The following DPP6 variants were observed in gnomAD, a reference collection of about 807,000 sequenced individuals.
DPP6 encodes A-type potassium channel modulatory protein DPP6.
DPP6 carries 69 observed loss-of-function variants against 122.6 expected under a neutral mutation model. That is an observed-to-expected ratio of 0.56 (90% CI 0.46 to 0.69). The LOEUF is 0.69. DPP6 is among the 30% of genes least tolerant of loss of function. The pLI, the probability that DPP6 is intolerant of heterozygous loss-of-function variation, is 0.00. For missense variants in DPP6, 928 were observed against 1,116.9 expected, an observed-to-expected ratio of 0.83 and a Z score of 2.41; for synonymous variants, 418 against 433.1, an observed-to-expected ratio of 0.97 and a Z score of 0.43.
chr7:153,784,628 T>C, the DPP6 span, among the ~76,000 whole-genome samples: 2 of 152,174 alleles, frequency 1.3e-5, no homozygotes, highest in African/African-American at 4.8e-5. Context: ...TAAATTGCAG[T>C]GAAGCTCATA....
At chr7:154,019,141 C>T (rs574968125) in intron 1 of DPP6, among the ~76,000 whole-genome samples, 2 of 152,224 alleles carry the variant, frequency 1.3e-5, no homozygotes, top group Admixed American at 6.5e-5. Context: ...TTTAACAAGC[C>T]TAGTCTATTC....
At chr7:154,637,783 T>C in intron 5 of DPP6, 38 bp from the exon 6 acceptor site, 1 of 1,545,644 alleles carries the variant, frequency 6.5e-7, no homozygotes, top group Non-Finnish European at 8.7e-7. Context: ...ACAGCCTTTG[T>C]CTCAATGCCT....
At chr7:154,724,134 G>C (rs1374252901) in intron 7 of DPP6, among the ~76,000 whole-genome samples, 4 of 152,132 alleles carry the variant, frequency 2.6e-5, no homozygotes, top group African/African-American at 9.7e-5. Context: ...CTGACTTTGG[G>C]TTGGTCTGGT....
rs71530431 is a variant in DPP6, at chr7:153,985,087, G to A, written c.51+97353G>A. On this transcript the variant is annotated intron_variant, in intron 1 of 25. Coordinates refer to the DPP6 transcript ENST00000404039. ...TTAAGATCCAGGCAGGTCCCTGCTC[G>A]CAGTGCTGACTGAGTACTGTACCTA... is the stretch of plus-strand genomic sequence containing the variant. Among the ~76,000 whole-genome samples the A allele has an allele frequency of 4.1e-3, 617 of 152,342 alleles. 3 individuals are homozygous for A. The highest frequency in any genetic ancestry group is 0.014 in the African/African-American group (562 of 41,576).
At position 153,949,127 on chromosome 7, in the gene DPP6, G is replaced by A. The variant is rs538248900; in HGVS notation, c.51+61393G>A. 3.9e-5 allele frequency among the ~76,000 whole-genome samples: 6 copies of A among 152,324 alleles called. No homozygotes were observed. The East Asian group carries it at 7.7e-4, about 20-fold the overall frequency. On this transcript the variant is annotated intron_variant, in intron 1 of 25. Transcript: ENST00000404039. ...CAGGCAGCTGGGGTGGTCTCTGCCCGGAGCATCGGCATGAGCCGCACTGCA... is the reference window on the plus strand; with the variant it reads ...CAGGCAGCTGGGGTGGTCTCTGCCCAGAGCATCGGCATGAGCCGCACTGCA...
intron 16 of DPP6, among the ~76,000 whole-genome samples, chr7:154,807,986 G>T (rs1287390382): frequency 6.6e-6 from 1 of 152,180 alleles, no homozygotes; most frequent in African/African-American, 2.4e-5. Flanking sequence ...GGGATACAAA[G>T]GATATTTTTG....
chr7:154,435,758 G>T (rs906610960), intron 1 of DPP6, among the ~76,000 whole-genome samples: 1 of 152,184 alleles, frequency 6.6e-6, no homozygotes, highest in African/African-American at 2.4e-5. Context: ...TTTGTAATTT[G>T]TTGCTACCTT....
chr7:154,282,182 T>TC lies in DPP6; in HGVS notation c.244-164029dup, dbSNP rs996220788. Among the ~76,000 whole-genome samples the TC allele has an allele frequency of 2.0e-5, 3 of 151,930 alleles. No homozygotes were observed. Among genetic ancestry groups the TC allele is most frequent in the African/African-American group, 7.3e-5 (3 of 41,376 alleles). On this transcript the variant is annotated intron_variant, in intron 1 of 25. Coordinates refer to ENST00000377770, the MANE Select transcript of DPP6 (RefSeq NM_130797.4). The surrounding 1 kb of genome is among the most constrained non-coding windows in gnomAD (Gnocchi z 4.8). ...TCTATAATTTTATTCTTTTTTCCCCTCCCTATTCCATTCTCTCTGTGGCCC... is the reference window on the plus strand; with the variant it reads ...TCTATAATTTTATTCTTTTTTCCCCTCCCCTATTCCATTCTCTCTGTGGCCC...
intron 1 of DPP6, among the ~76,000 whole-genome samples, chr7:153,984,429 G>A (rs1796744148): frequency 6.6e-6 from 1 of 152,160 alleles, no homozygotes; most frequent in Admixed American, 6.5e-5. Flanking sequence ...GGCATCAGGG[G>A]GCACGAAGAA....
rs187329824 is a variant in DPP6, at chr7:154,091,371, G to A, written c.243+38308G>A. ...TATTTTGAGCGGTCTATGGCTTTCTGTTGAGCAGACTTATAGCTTCTCATA... is the reference window on the plus strand; with the variant it reads ...TATTTTGAGCGGTCTATGGCTTTCTATTGAGCAGACTTATAGCTTCTCATA... On this transcript the variant is annotated intron_variant, in intron 1 of 25. Transcript: ENST00000377770. Among the ~76,000 whole-genome samples, 155 of 152,282 alleles carry A rather than the reference G, an allele frequency of 1.0e-3. 1 individual carries two copies. The highest frequency in any genetic ancestry group is 3.6e-3 in the African/African-American group (149 of 41,572).
intron 1 of DPP6, among the ~76,000 whole-genome samples, chr7:154,317,544 A>G (rs1244422382): frequency 6.6e-6 from 1 of 152,196 alleles, no homozygotes; most frequent in Non-Finnish European, 1.5e-5. Context: ...ACCTAGTTCT[A>G]TAGTGATACT....
intron 1 of DPP6, among the ~76,000 whole-genome samples, chr7:154,280,184 T>C (rs1203805412): frequency 6.7e-6 from 1 of 149,190 alleles, no homozygotes; most frequent in Non-Finnish European, 1.5e-5. Context: ...TTAATGTTTT[T>C]ACTGTTTTTT....
At chr7:154,732,087 G>A (rs1029704665) in intron 8 of DPP6, among the ~76,000 whole-genome samples, 1 of 151,634 alleles carries the variant, frequency 6.6e-6, no homozygotes, top group Non-Finnish European at 1.5e-5. Context: ...CACCCAGGCT[G>A]GAGTGTAGTG....
At position 154,403,383 on chromosome 7, in the gene DPP6, C is replaced by T. The variant is rs1443438592; in HGVS notation, c.244-42831C>T. ...AGGAGGAAAAGGGACATGGTGAGGA[C>T]TGGAGTTGCGGTAGATGCCTCCTGG... On this transcript the variant is annotated intron_variant, in intron 1 of 25. Coordinates refer to ENST00000377770, the MANE Select transcript of DPP6 (RefSeq NM_130797.4). The surrounding 1 kb of genome is among the most constrained non-coding windows in gnomAD (Gnocchi z 4.1). Among the ~76,000 whole-genome samples, 4 of 152,166 alleles carry T rather than the reference C, an allele frequency of 2.6e-5. No individual in the cohort carries two copies. Among genetic ancestry groups the T allele is most frequent in the African/African-American group, 9.7e-5 (4 of 41,450 alleles).
intron 1 of DPP6, among the ~76,000 whole-genome samples, chr7:154,416,606 A>G (rs1226797658): frequency 6.6e-6 from 1 of 152,134 alleles, no homozygotes; most frequent in African/African-American, 2.4e-5. Flanking sequence ...AAAACAGCAC[A>G]TATCAGGTTC....
chr7:154,501,249 TA>T (rs1389820158), intron 3 of DPP6, among the ~76,000 whole-genome samples: 3 of 110,268 alleles, frequency 2.7e-5, no homozygotes, highest in Non-Finnish European at 6.2e-5. Context: ...GACAACATGA[TA>T]GAAAAAAAAA....
chr7:154,676,617 A>T (rs1008033568), intron 7 of DPP6, among the ~76,000 whole-genome samples: 3 of 152,206 alleles, frequency 2.0e-5, no homozygotes, highest in African/African-American at 7.2e-5. Context: ...ACACCCTCTC[A>T]AGCCTGTGGC....
chr7:153,843,141 G>C, the DPP6 span, among the ~76,000 whole-genome samples: 2 of 148,340 alleles, frequency 1.3e-5, no homozygotes, highest in Non-Finnish European at 3.0e-5. Flanking sequence ...CTTGCATACA[G>C]ACACGTGCAT....
In DPP6 at chr7:154,775,828, G is replaced by A. The variant is rs1346051430; in HGVS notation, c.1136+2886G>A. Among the ~76,000 whole-genome samples, 5 of 152,092 alleles carry A rather than the reference G, an allele frequency of 3.3e-5. No homozygotes were observed. The East Asian group carries it at 5.8e-4, about 18-fold the overall frequency. On this transcript the variant is annotated intron_variant, in intron 10 of 25. Coordinates refer to ENST00000377770, the MANE Select transcript of DPP6 (RefSeq NM_130797.4). ...CACTGTCTACACAGCATCTCAGGCC[G>A]AACCCGGTCAAAGCCAACCTCCCAC...
Sources: allele counts gnomAD v4.1 joint callset (sites outside exome capture counted in the v4.1 genomes callset), GRCh38; gene constraint gnomAD v4.1.1; non-coding constraint Gnocchi (gnomAD v3.1); transcripts MANE v1.5; gene names NCBI Gene and HGNC (gene_info 2026-07-23, HGNC 2026-07-21).